Variants in IFT140 observed in about 807,000 individuals in gnomAD.
IFT140 encodes the protein intraflagellar transport protein 140 homolog.
A neutral mutation model predicts 164.6 loss-of-function variants in IFT140; 133 were observed. The observed-to-expected ratio is 0.81, with a 90% CI of 0.70 to 0.93. The LOEUF (loss-of-function observed/expected upper bound fraction) is 0.93. Among genes scored for constraint, IFT140 ranks in the 40% least tolerant of loss-of-function variants. IFT140 has a pLI of 0.00. For missense variants in IFT140, 2,045 were observed against 1,972.3 expected, an observed-to-expected ratio of 1.04 and a Z score of -0.70; for synonymous variants, 860 against 817.3, an observed-to-expected ratio of 1.05 and a Z score of -0.89.
chr16:1,551,319 C>T lies in IFT140; in HGVS notation c.2399+6616G>A, dbSNP rs552456990. Among the ~76,000 whole-genome samples, 3 of 151,912 alleles carry T rather than the reference C, an allele frequency of 2.0e-5. No homozygotes were observed. The highest frequency in any genetic ancestry group is 6.6e-5 in the Admixed American group (1 of 15,258). Reference sequence around the variant, plus strand: ...GCAGGTGCAACTCTAAGCCGAGGCCCGAAGGATCAGCAGCAGGAGGGGCCC... The same window carrying T: ...GCAGGTGCAACTCTAAGCCGAGGCCTGAAGGATCAGCAGCAGGAGGGGCCC... On this transcript the variant is annotated intron_variant, in intron 19 of 30. Coordinates refer to ENST00000426508, the MANE Select transcript of IFT140 (RefSeq NM_014714.4). The surrounding 1 kb of genome is among the most constrained non-coding windows in gnomAD (Gnocchi z 4.0).
chr16:1,513,496 T>C (rs1031595145), intron 30 of IFT140, among the ~76,000 whole-genome samples: 14 of 151,590 alleles, frequency 9.2e-5, no homozygotes, highest in Non-Finnish European at 1.6e-4. Flanking sequence ...CAAGACTGTC[T>C]CAGAAAAGAA....
chr16:1,562,943 G>T (rs756883986), intron 17 of IFT140, among the ~76,000 whole-genome samples: 13 of 152,122 alleles, frequency 8.5e-5, no homozygotes, highest in Non-Finnish European at 1.6e-4. Flanking sequence ...AGCTGCTCTG[G>T]ACAGGAAACC....
At chr16:1,522,052 G>A (rs920144180) in intron 26 of IFT140, among the ~76,000 whole-genome samples, 6 of 151,900 alleles carry the variant, frequency 3.9e-5, no homozygotes, top group Admixed American at 2.0e-4. Context: ...GAGAAACCCC[G>A]TCTCTACTAA....
chr16:1,585,182 GATGA>G (rs1329215974), intron 10 of IFT140, among the ~76,000 whole-genome samples: 2 of 152,238 alleles, frequency 1.3e-5, no homozygotes, highest in African/African-American at 4.8e-5. Context: ...TCCATCAACT[GATGA>G]ATGGAGAAAG....
intron 4 of IFT140, among the ~76,000 whole-genome samples, chr16:1,595,585 G>A (rs1215899485): frequency 6.7e-6 from 1 of 148,378 alleles, no homozygotes; most frequent in Non-Finnish European, 1.5e-5. Flanking sequence ...CTGGGCGACA[G>A]AGTGAGACTC....
intron 19 of IFT140, among the ~76,000 whole-genome samples, chr16:1,550,354 G>A (rs2141374323): frequency 6.6e-6 from 1 of 152,326 alleles, no homozygotes; most frequent in African/African-American, 2.4e-5. Context: ...GTCATGTCTG[G>A]ATTAGAATGG....
At chr16:1,541,015 G>T (rs1041134709) in intron 19 of IFT140, 2 of 985,298 alleles carry the variant, frequency 2.0e-6, no homozygotes, top group African/African-American at 3.5e-5. Context: ...TTATTTGCGG[G>T]AGAACATTTC....
intron 19 of IFT140, chr16:1,542,021 G>A: frequency 6.2e-7 from 1 of 1,611,290 alleles, no homozygotes; most frequent in East Asian, 2.2e-5. Flanking sequence ...TGCCCCTGCT[G>A]TCACCCGACG....
chr16:1,608,608 G>A (rs2036189890), intron 2 of IFT140, among the ~76,000 whole-genome samples: 1 of 140,150 alleles, frequency 7.1e-6, no homozygotes, highest in South Asian at 2.2e-4. Flanking sequence ...ACTCCAGCCT[G>A]GCAACAGAAT....
At chr16:1,541,011 G>C (rs2031579966) in intron 19 of IFT140, 4 of 985,384 alleles carry the variant, frequency 4.1e-6, no homozygotes, top group Non-Finnish European at 4.8e-6. Flanking sequence ...GGTTTTATTT[G>C]CGGGAGAACA....
In IFT140 at chr16:1,580,765, G is replaced by T. The variant is rs199812296; in HGVS notation, c.1518C>A (p.Thr506=). 6.2e-7 allele frequency: 1 copy of T among 1,612,264 alleles called. No homozygotes were observed. Among genetic ancestry groups the T allele is most frequent in the Non-Finnish European group, 8.5e-7 (1 of 1,178,308 alleles). Residue 506 remains threonine, a synonymous_variant, in exon 13 of 31, where the codon ACC becomes ACA. Transcript: ENST00000426508. ...CAGTGGAGCAGCAACTTACCTGCCA[G>T]GTTCGAACTTGAACTCGGTTTGACT... ...TVESNRVQVR[T]WQGTVKQLLL...
In IFT140 at chr16:1,584,255, G is replaced by C; in HGVS notation, c.1321C>G (p.Arg441Gly). The C allele has an allele frequency of 6.2e-7, 1 of 1,613,630 alleles. No homozygotes were observed. Among genetic ancestry groups the C allele is most frequent in the Admixed American group, 1.7e-5 (1 of 59,986 alleles). ...ACTCCACTGATGTGCATGTCGGTGC[G>C]CAGGCTGTGTGCGACCCCCGTGGAC... ...FLSTGVAHSL[R>G]TDMHISGVFA... is the part of the protein sequence containing the mutation. The change falls in exon 11 of 31, where the codon CGC becomes GGC. Residue 441 changes from arginine (R) to glycine (G), a missense_variant. Coordinates refer to ENST00000426508, the MANE Select transcript of IFT140 (RefSeq NM_014714.4).
intron 18 of IFT140, among the ~76,000 whole-genome samples, chr16:1,558,428 G>C (rs1256742750): frequency 6.6e-6 from 1 of 152,246 alleles, no homozygotes; most frequent in Non-Finnish European, 1.5e-5. Context: ...ATTTCAGGTA[G>C]AATTTTCCAA....
chr16:1,537,520 C>T (rs1034362108), intron 19 of IFT140, among the ~76,000 whole-genome samples: 5 of 152,240 alleles, frequency 3.3e-5, no homozygotes, highest in Admixed American at 1.3e-4. Context: ...GGTTCAGGCC[C>T]TCCCGTGCCC....
chr16:1,550,301 C>T (rs1462474755), intron 19 of IFT140, among the ~76,000 whole-genome samples: 1 of 152,204 alleles, frequency 6.6e-6, no homozygotes, highest in Non-Finnish European at 1.5e-5. Context: ...GAGGCCTGAG[C>T]TCGTGTTTAT....
chr16:1,558,845 G>T (rs146104568), intron 18 of IFT140, among the ~76,000 whole-genome samples: 2 of 152,346 alleles, frequency 1.3e-5, no homozygotes, highest in South Asian at 2.1e-4. Flanking sequence ...CCCTGGTCTT[G>T]TATCTGCTAT....
At chr16:1,543,850 GA>G (rs2031893115) in intron 19 of IFT140, among the ~76,000 whole-genome samples, 1 of 152,202 alleles carries the variant, frequency 6.6e-6, no homozygotes, top group East Asian at 1.9e-4. Flanking sequence ...CCGCGTGCAG[GA>G]ATCGGAAATG....
chr16:1,526,177 C>A lies in IFT140; in HGVS notation c.2578-100G>T, dbSNP rs1036950640. The A allele has an allele frequency of 1.7e-5, 19 of 1,132,724 alleles. No homozygotes were observed. In the Admixed American group the frequency reaches 1.8e-4, roughly 11 times the overall value. 70.2% of individuals were successfully genotyped at this position (1,132,724 alleles called of 1,614,324 possible). On this transcript the variant is annotated intron_variant, in intron 20 of 30. Coordinates refer to ENST00000426508, the MANE Select transcript of IFT140 (RefSeq NM_014714.4). ...CCACCGGTCACCGCACCTTCCCACA[C>A]CGCCAAGCACACTGACACACGGGGC...
chr16:1,520,357 C>G lies in IFT140; in HGVS notation c.3661-14G>C, dbSNP rs1388818529. Reference sequence around the variant, plus strand: ...CGCCCTCATGGCCTAGGCAGAGAGACAGCGGGGCTCAGGCAAGCAGGGGCT... The same window carrying G: ...CGCCCTCATGGCCTAGGCAGAGAGAGAGCGGGGCTCAGGCAAGCAGGGGCT... On this transcript the variant is annotated splice_polypyrimidine_tract_variant and intron_variant, in intron 27 of 30. Transcript: ENST00000426508. 2.5e-6 allele frequency: 4 copies of G among 1,612,948 alleles called. No homozygotes were observed. Among genetic ancestry groups the G allele is most frequent in the Admixed American group, 3.3e-5 (2 of 60,012 alleles).
Sources: allele counts gnomAD v4.1 joint callset (sites outside exome capture counted in the v4.1 genomes callset), GRCh38; gene constraint gnomAD v4.1.1; non-coding constraint Gnocchi (gnomAD v3.1); transcripts MANE v1.5; gene names NCBI Gene and HGNC (gene_info 2026-07-23, HGNC 2026-07-21).